Variants in DNAJC1 observed in about 807,000 individuals in gnomAD.
DNAJC1 encodes DnaJ heat shock protein family (Hsp40) member C1.
In DNAJC1, 58 loss-of-function variants were observed where a neutral mutation model predicts 76.6. The observed-to-expected ratio is 0.76, with a 90% CI of 0.61 to 0.94. The LOEUF is 0.94. Among genes scored for constraint, DNAJC1 ranks in the 40% least tolerant of loss-of-function variants. DNAJC1 has a pLI of 0.00. For synonymous variants in DNAJC1, 258 were observed against 267.9 expected, an observed-to-expected ratio of 0.96 and a Z score of 0.36; for missense variants, 689 against 677.3, an observed-to-expected ratio of 1.02 and a Z score of -0.19.
At chr10:21,786,789 C>T (rs1054724384) in intron 9 of DNAJC1, among the ~76,000 whole-genome samples, 4 of 152,016 alleles carry the variant, frequency 2.6e-5, no homozygotes, top group South Asian at 2.1e-4. Flanking sequence ...GAATTTCTAT[C>T]GATCCAATTA....
chr10:21,894,032 T>A (rs913558179), intron 7 of DNAJC1, among the ~76,000 whole-genome samples: 3 of 152,166 alleles, frequency 2.0e-5, no homozygotes, highest in African/African-American at 7.2e-5. Context: ...TCTAGATACA[T>A]GTATTTGACA....
chr10:21,863,383 T>G (rs1266140321), intron 8 of DNAJC1, among the ~76,000 whole-genome samples: 3 of 152,042 alleles, frequency 2.0e-5, no homozygotes, highest in African/African-American at 7.3e-5. Flanking sequence ...GCCAGCACAC[T>G]CAACAAGTTA....
chr10:21,933,394 G>C (rs968407087), intron 1 of DNAJC1: 1 of 152,444 alleles, frequency 6.6e-6, no homozygotes, highest in Admixed American at 6.5e-5. Flanking sequence ...AGCTTGGGCA[G>C]ACAGACTGAA....
chr10:21,989,609 A>G (rs931365204), intron 1 of DNAJC1, among the ~76,000 whole-genome samples: 12 of 151,268 alleles, frequency 7.9e-5, no homozygotes, highest in Admixed American at 1.3e-4. Flanking sequence ...GCCTGTGGGG[A>G]AAAAAAAATG....
intron 8 of DNAJC1, among the ~76,000 whole-genome samples, chr10:21,836,669 G>A (rs914134536): frequency 7.2e-5 from 11 of 152,160 alleles, no homozygotes; most frequent in Non-Finnish European, 1.3e-4. Context: ...AAAGGCAGGG[G>A]TTGCAATCCT....
intron 6 of DNAJC1, among the ~76,000 whole-genome samples, chr10:21,906,029 G>A (rs918865887): frequency 2.6e-5 from 4 of 152,116 alleles, no homozygotes; most frequent in Admixed American, 2.6e-4. Context: ...CCAAATTAAA[G>A]CTTTTTCCTG....
intron 7 of DNAJC1, among the ~76,000 whole-genome samples, chr10:21,888,284 G>A (rs1221266023): frequency 6.6e-6 from 1 of 152,162 alleles, no homozygotes; most frequent in Non-Finnish European, 1.5e-5. Flanking sequence ...TACACTGTTG[G>A]TGGGAGTGAA....
chr10:21,924,147 T>A (rs976240837), intron 3 of DNAJC1, among the ~76,000 whole-genome samples: 2 of 151,890 alleles, frequency 1.3e-5, no homozygotes, highest in Non-Finnish European at 2.9e-5. Flanking sequence ...TTGAAAAAAA[T>A]ATATATATGC....
intron 9 of DNAJC1, among the ~76,000 whole-genome samples, chr10:21,774,567 T>C (rs1277115942): frequency 2.0e-5 from 3 of 152,212 alleles, no homozygotes; most frequent in Non-Finnish European, 4.4e-5. Flanking sequence ...CTCCGCCTCC[T>C]GGGTTCATGC....
At chr10:21,918,944 A>C (rs1836997208) in intron 5 of DNAJC1, 72 bp from the exon 6 acceptor site, 1 of 1,040,984 alleles carries the variant, frequency 9.6e-7, no homozygotes, top group Admixed American at 1.9e-5. Context: ...GAGGCAAAAT[A>C]ATTCTATAAA....
At chr10:21,771,017 ACTT>A (rs1834369920) in intron 9 of DNAJC1, among the ~76,000 whole-genome samples, 2 of 151,966 alleles carry the variant, frequency 1.3e-5, no homozygotes, top group African/African-American at 4.8e-5. Flanking sequence ...AAAGTTTTTC[ACTT>A]CTTTTAATTT....
intron 1 of DNAJC1, among the ~76,000 whole-genome samples, chr10:21,953,612 C>A (rs1213006132): frequency 6.6e-6 from 1 of 151,434 alleles, no homozygotes; most frequent in Non-Finnish European, 1.5e-5. Context: ...TTAGAAAGTA[C>A]TGAAGCTCCA....
intron 9 of DNAJC1, among the ~76,000 whole-genome samples, chr10:21,776,264 G>A (rs1016665539): frequency 1.3e-5 from 2 of 152,130 alleles, no homozygotes; most frequent in Admixed American, 6.5e-5. Context: ...TCAACGTAAA[G>A]AAGAATTTTC....
chr10:21,885,874 C>A (rs1836359773), intron 7 of DNAJC1, among the ~76,000 whole-genome samples: 1 of 151,964 alleles, frequency 6.6e-6, no homozygotes, highest in South Asian at 2.1e-4. Context: ...ATGCCCACAT[C>A]AAAAAGTCAG....
chr10:21,777,241 G>A (rs929860720), intron 9 of DNAJC1, among the ~76,000 whole-genome samples: 1 of 152,160 alleles, frequency 6.6e-6, no homozygotes, highest in South Asian at 2.1e-4. Context: ...GGGCTCTGAT[G>A]AGTAAGTACA....
At chr10:21,955,003 T>G (rs1349931492) in intron 1 of DNAJC1, among the ~76,000 whole-genome samples, 1 of 152,114 alleles carries the variant, frequency 6.6e-6, no homozygotes, top group African/African-American at 2.4e-5. Flanking sequence ...AATTCCTTGC[T>G]GTAGGAGGCT....
chr10:21,947,801 T>C (rs1180900807), intron 1 of DNAJC1, among the ~76,000 whole-genome samples: 2 of 152,220 alleles, frequency 1.3e-5, no homozygotes, highest in Non-Finnish European at 2.9e-5. Context: ...TATTATGTAA[T>C]AGCTGCTTAT....
intron 1 of DNAJC1, among the ~76,000 whole-genome samples, chr10:21,996,956 G>A (rs1340057403): frequency 6.6e-6 from 1 of 151,992 alleles, no homozygotes; most frequent in African/African-American, 2.4e-5. Context: ...ATGACTGAAA[G>A]GTTATCTACC....
chr10:21,942,805 C>CAAAAAAAA (rs540122534), intron 1 of DNAJC1, among the ~76,000 whole-genome samples: 9 of 45,184 alleles, frequency 2.0e-4, no homozygotes, highest in South Asian at 7.4e-4. Flanking sequence ...GACTCCATCT[C>CAAAAAAAA]AAAAAAAAAA....
Sources: allele counts gnomAD v4.1 joint callset (sites outside exome capture counted in the v4.1 genomes callset), GRCh38; gene constraint gnomAD v4.1.1; transcripts MANE v1.5; gene names NCBI Gene and HGNC (gene_info 2026-07-23, HGNC 2026-07-21).